The following BAIAP2L1 variants were observed in gnomAD, a reference collection of about 807,000 sequenced individuals.
BAIAP2L1 encodes the protein BAR/IMD domain containing adaptor protein 2 like 1.
A neutral mutation model predicts 66.3 loss-of-function variants in BAIAP2L1; 35 were observed. The observed-to-expected ratio is 0.53, with a 90% CI of 0.40 to 0.70. The LOEUF (loss-of-function observed/expected upper bound fraction) is 0.70. Ranked by LOEUF, BAIAP2L1 falls within the 30% of genes least tolerant of loss-of-function variation. The pLI, the probability that BAIAP2L1 is intolerant of heterozygous loss-of-function variation, is 0.00. For synonymous variants in BAIAP2L1, 269 were observed against 248.7 expected (o/e 1.08, Z -0.77); for missense variants, 622 against 656.9 (o/e 0.95, Z 0.58).
chr7:98,335,655 G>A (rs757080028), intron 3 of BAIAP2L1, among the ~76,000 whole-genome samples: 4 of 152,110 alleles, frequency 2.6e-5, no homozygotes, highest in African/African-American at 4.8e-5. Flanking sequence ...AACTATATCC[G>A]ATTCTCACAT....
At chr7:98,387,623 G>A (rs916792584) in intron 1 of BAIAP2L1, among the ~76,000 whole-genome samples, 2 of 152,064 alleles carry the variant, frequency 1.3e-5, no homozygotes, top group East Asian at 1.9e-4. Flanking sequence ...ACTTTGGGAG[G>A]CTGAGGTGGG....
At chr7:98,374,097 G>A (rs559551084) in intron 1 of BAIAP2L1, among the ~76,000 whole-genome samples, 2 of 151,758 alleles carry the variant, frequency 1.3e-5, no homozygotes, top group South Asian at 2.1e-4. Context: ...GACTACAGAC[G>A]CAAACCATAT....
chr7:98,369,961 C>A (rs1374587689), intron 1 of BAIAP2L1, among the ~76,000 whole-genome samples: 1 of 152,080 alleles, frequency 6.6e-6, no homozygotes, highest in African/African-American at 2.4e-5. Flanking sequence ...CATGAGCCAT[C>A]ATACCCAACC....
In BAIAP2L1 at chr7:98,386,541, T is replaced by A. The variant is rs1017170947; in HGVS notation, c.51+14261A>T. On this transcript the variant is annotated intron_variant, in intron 1 of 13. Transcript: ENST00000005260. Reference sequence around the variant, plus strand: ...ATCAACCACTTTCTTCTTGGCTCCCTTTTTGCCGCCTTTCGTAAGGCGCTT... The same window carrying A: ...ATCAACCACTTTCTTCTTGGCTCCCATTTTGCCGCCTTTCGTAAGGCGCTT... 13 of 1,596,962 alleles carry A rather than the reference T, an allele frequency of 8.1e-6. No homozygotes were observed. In the Admixed American group the frequency reaches 2.2e-4, roughly 27 times the overall value.
At chr7:98,293,999 C>T (rs985127889) in intron 13 of BAIAP2L1, 75 bp downstream of exon 13, 73 of 1,526,654 alleles carry the variant, frequency 4.8e-5, no homozygotes, top group Non-Finnish European at 6.2e-5. Flanking sequence ...GGCTGGGCAC[C>T]GAAGGCCCTT....
At chr7:98,362,520 C>A in intron 1 of BAIAP2L1, 88 bp from the exon 2 acceptor site, 1 of 1,011,026 alleles carries the variant, frequency 9.9e-7, no homozygotes, top group African/African-American at 1.6e-5. Flanking sequence ...CCCAGGATAG[C>A]TATGGATGCC....
intron 1 of BAIAP2L1, among the ~76,000 whole-genome samples, chr7:98,371,655 CATTTTCAAAGA>C (rs1802512755): frequency 6.6e-6 from 1 of 152,150 alleles, no homozygotes; most frequent in South Asian, 2.1e-4. Flanking sequence ...TTTTATAACT[CATTTTCAAAGA>C]ATTACCAGTA....
At chr7:98,390,009 G>A (rs376906120) in intron 1 of BAIAP2L1, among the ~76,000 whole-genome samples, 12 of 123,834 alleles carry the variant, frequency 9.7e-5, no homozygotes, top group African/African-American at 2.8e-4. Context: ...TCCGCCTCCC[G>A]GGTTCACACC....
intron 1 of BAIAP2L1, among the ~76,000 whole-genome samples, chr7:98,384,656 T>A (rs999396069): frequency 8.6e-5 from 13 of 151,706 alleles, no homozygotes; most frequent in Admixed American, 6.6e-4. Flanking sequence ...TCTAGCTAAC[T>A]TCCTTCAACC....
intron 1 of BAIAP2L1, among the ~76,000 whole-genome samples, chr7:98,369,037 T>G (rs1802451686): frequency 6.6e-6 from 1 of 151,206 alleles, no homozygotes; most frequent in African/African-American, 2.4e-5. Context: ...TTTAAGAAAC[T>G]GCCAAACTTT....
intron 3 of BAIAP2L1, among the ~76,000 whole-genome samples, chr7:98,349,517 C>T (rs879450621): frequency 1.3e-4 from 20 of 152,110 alleles, no homozygotes; most frequent in Non-Finnish European, 2.4e-4. Flanking sequence ...ACTGTGACCG[C>T]TAATCATGAC....
At chr7:98,313,223 G>A (rs1016271972) in intron 7 of BAIAP2L1, among the ~76,000 whole-genome samples, 1 of 151,056 alleles carries the variant, frequency 6.6e-6, no homozygotes, top group African/African-American at 2.4e-5. Context: ...CAACTCCACA[G>A]AAAGGACTGA....
chr7:98,312,650 C>T (rs2116879167), intron 7 of BAIAP2L1, among the ~76,000 whole-genome samples: 1 of 152,326 alleles, frequency 6.6e-6, no homozygotes, highest in Admixed American at 6.5e-5. Flanking sequence ...CTACTAAAAG[C>T]AGCACCTCCA....
In BAIAP2L1 at chr7:98,362,450, C is replaced by G. The variant is rs1337405454; in HGVS notation, c.52-18G>C. 7 of 1,587,514 alleles carry G rather than the reference C, an allele frequency of 4.4e-6. No individual in the cohort carries two copies. Among genetic ancestry groups the G allele is most frequent in the Non-Finnish European group, 6.0e-6 (7 of 1,168,220 alleles). ...ATAACATTCTGCCAAACAAACAAAA[C>G]ACACAAATTAATAAAATAAAAAATA... On this transcript the variant is annotated intron_variant, in intron 1 of 13. Transcript: ENST00000005260.
chr7:98,390,424 T>C (rs1401226547), intron 1 of BAIAP2L1, among the ~76,000 whole-genome samples: 1 of 152,014 alleles, frequency 6.6e-6, no homozygotes, highest in Non-Finnish European at 1.5e-5. Context: ...AAGTAAGCAA[T>C]TTACATTAAA....
chr7:98,398,507 G>A (rs1028464510), intron 1 of BAIAP2L1, among the ~76,000 whole-genome samples: 1 of 150,886 alleles, frequency 6.6e-6, no homozygotes, highest in Admixed American at 6.6e-5. Context: ...ACACTAACAA[G>A]GAAATAGTAA....
intron 1 of BAIAP2L1, among the ~76,000 whole-genome samples, chr7:98,371,955 T>C (rs1212831127): frequency 2.6e-5 from 4 of 151,990 alleles, no homozygotes; most frequent in Non-Finnish European, 5.9e-5. Flanking sequence ...CCACTGCACC[T>C]GGCTAGTTTT....
At chr7:98,329,927 G>T (rs939208044) in intron 3 of BAIAP2L1, among the ~76,000 whole-genome samples, 9 of 152,286 alleles carry the variant, frequency 5.9e-5, no homozygotes, top group African/African-American at 2.2e-4. Context: ...TCATTTAGAA[G>T]AATTTTCTTG....
chr7:98,298,170 C>T (rs1333006272), intron 12 of BAIAP2L1, among the ~76,000 whole-genome samples: 5 of 152,232 alleles, frequency 3.3e-5, no homozygotes, highest in Admixed American at 2.6e-4. Flanking sequence ...GCTCTCAGAT[C>T]GTCTAATAAG....
Sources: gnomAD v4.1 joint callset for allele counts (sites outside exome capture counted in the v4.1 genomes callset) on GRCh38, gnomAD v4.1.1 for gene constraint, MANE v1.5 for transcripts, NCBI Gene and HGNC (gene_info 2026-07-23, HGNC 2026-07-21) for gene names.